PRELID2: variants seen among roughly 807,000 people sequenced by gnomAD.
PRELID2 encodes the protein PRELI domain-containing protein 2.
PRELID2 carries 25 observed loss-of-function variants against 28.4 expected under a neutral mutation model. The observed-to-expected ratio is 0.88, with a 90% CI of 0.64 to 1.23. The LOEUF is 1.23. PRELID2 is among the 50% of genes most tolerant of loss of function. The pLI, the probability that PRELID2 is intolerant of heterozygous loss-of-function variation, is 0.00. For missense variants in PRELID2, 201 were observed against 214.4 expected (o/e 0.94, Z 0.39); for synonymous variants, 76 against 71.6 (o/e 1.06, Z -0.31).
intron 1 of PRELID2, among the ~76,000 whole-genome samples, chr5:145,516,488 G>A (rs769261775): frequency 2.7e-4 from 41 of 152,112 alleles, no homozygotes; most frequent in Non-Finnish European, 5.1e-4. Flanking sequence ...TAATAAGAGA[G>A]GATAAAAACA....
the PRELID2 span, among the ~76,000 whole-genome samples, chr5:145,380,798 T>C: frequency 6.6e-6 from 1 of 152,200 alleles, no homozygotes. Flanking sequence ...GATGAGCTTT[T>C]CTTTTACTTT....
At chr5:145,820,580 A>C (rs945987831) in intron 2 of PRELID2, among the ~76,000 whole-genome samples, 2 of 152,120 alleles carry the variant, frequency 1.3e-5, no homozygotes, top group Non-Finnish European at 2.9e-5. Context: ...CAAAATTTAA[A>C]CCCATAATTA....
At chr5:145,561,301 C>T (rs7731293) in intron 1 of PRELID2, among the ~76,000 whole-genome samples, 3 of 152,028 alleles carry the variant, frequency 2.0e-5, no homozygotes, top group Non-Finnish European at 4.4e-5. Flanking sequence ...AAGAGCAGCA[C>T]TTTTTTCTTC....
intron 1 of PRELID2, among the ~76,000 whole-genome samples, chr5:145,645,580 T>A (rs1004451169): frequency 7.9e-5 from 12 of 152,096 alleles, no homozygotes; most frequent in African/African-American, 2.9e-4. Context: ...GTCCTTATGA[T>A]GCTAGATGGT....
At chr5:145,673,434 C>T (rs544035934) in intron 1 of PRELID2, among the ~76,000 whole-genome samples, 84 of 151,514 alleles carry the variant, frequency 5.5e-4, no homozygotes, top group Non-Finnish European at 1.9e-4. Flanking sequence ...AACCATTAGA[C>T]AGAGCATCCA....
intron 1 of PRELID2, among the ~76,000 whole-genome samples, chr5:145,739,961 T>C (rs2149735168): frequency 2.1e-5 from 1 of 47,506 alleles, no homozygotes; most frequent in East Asian, 8.9e-4. Context: ...AATAGAAAAA[T>C]AAATAAAAAA....
chr5:145,240,424 A>G, the PRELID2 span, among the ~76,000 whole-genome samples: 3 of 151,854 alleles, frequency 2.0e-5, no homozygotes, highest in African/African-American at 2.4e-5. Flanking sequence ...TTTTTTTCTG[A>G]TATATACAAT....
intron 1 of PRELID2, among the ~76,000 whole-genome samples, chr5:145,710,709 C>T (rs921229903): frequency 1.3e-5 from 2 of 152,230 alleles, no homozygotes; most frequent in Non-Finnish European, 1.5e-5. Flanking sequence ...AACATCACTG[C>T]CTGGTCCAAA....
intron 1 of PRELID2, among the ~76,000 whole-genome samples, chr5:145,493,287 A>C (rs1165181751): frequency 6.6e-6 from 1 of 152,152 alleles, no homozygotes; most frequent in East Asian, 1.9e-4. Context: ...GATGATCATC[A>C]GATCATTTCA....
the PRELID2 span, among the ~76,000 whole-genome samples, chr5:145,232,565 A>G: frequency 6.6e-6 from 1 of 152,136 alleles, no homozygotes. Context: ...ATGGCCACCA[A>G]TTATAAGGCT....
the PRELID2 span, among the ~76,000 whole-genome samples, chr5:145,454,238 G>A: frequency 6.6e-6 from 1 of 152,098 alleles, no homozygotes; most frequent in East Asian, 1.9e-4. Flanking sequence ...AGCCCTTCAA[G>A]CTAAAAATTC....
At chr5:145,475,926 T>C (rs1216291291) in intron 1 of PRELID2, among the ~76,000 whole-genome samples, 1 of 152,198 alleles carries the variant, frequency 6.6e-6, no homozygotes, top group Non-Finnish European at 1.5e-5. Context: ...TCAGGTGGAC[T>C]AAAGTAGATA....
chr5:145,756,388 T>G lies in PRELID2; in HGVS notation c.*4148A>C, dbSNP rs561087485. Among the ~76,000 whole-genome samples, 39 of 152,198 alleles carry G rather than the reference T, an allele frequency of 2.6e-4. No individual in the cohort carries two copies. Among genetic ancestry groups the G allele is most frequent in the Non-Finnish European group, 4.7e-4 (32 of 68,042 alleles). On this transcript the variant is annotated 3_prime_UTR_variant, in exon 7 of 7. Coordinates refer to ENST00000683046, the MANE Select transcript of PRELID2 (RefSeq NM_205846.3). ...TTCAGAATGACTGCAGGAAGGAATT[T>G]CATAGGTAAACAACTAATTTATAGC...
chr5:145,443,256 T>C, the PRELID2 span, among the ~76,000 whole-genome samples: 1 of 152,096 alleles, frequency 6.6e-6, no homozygotes, highest in Non-Finnish European at 1.5e-5. Flanking sequence ...TTTTATTCCA[T>C]AGCAATAGTT....
chr5:145,329,067 T>C, the PRELID2 span, among the ~76,000 whole-genome samples: 1 of 152,196 alleles, frequency 6.6e-6, no homozygotes, highest in South Asian at 2.1e-4. Context: ...GTCAGGTTTG[T>C]CAAAGATCAG....
chr5:145,487,662 T>G (rs148445805), intron 1 of PRELID2, among the ~76,000 whole-genome samples: 2 of 152,296 alleles, frequency 1.3e-5, no homozygotes, highest in Admixed American at 1.3e-4. Flanking sequence ...AACAGGAAAC[T>G]CCCTTTGTCC....
chr5:145,232,926 T>C, the PRELID2 span, among the ~76,000 whole-genome samples: 1 of 151,928 alleles, frequency 6.6e-6, no homozygotes, highest in African/African-American at 2.4e-5. Context: ...AATATTATTC[T>C]ACAAGTTTCC....
intron 1 of PRELID2, among the ~76,000 whole-genome samples, chr5:145,665,717 T>G (rs1394722753): frequency 6.6e-6 from 1 of 152,064 alleles, no homozygotes; most frequent in African/African-American, 2.4e-5. Context: ...TTTCTCATAT[T>G]CCCTGAAATG....
the PRELID2 span, among the ~76,000 whole-genome samples, chr5:145,401,347 GGA>G: frequency 6.6e-6 from 1 of 151,928 alleles, no homozygotes; most frequent in East Asian, 1.9e-4. Flanking sequence ...AAGTTAAGAA[GGA>G]GAGTATGGAA....
Sources: allele counts gnomAD v4.1 joint callset (sites outside exome capture counted in the v4.1 genomes callset), GRCh38; gene constraint gnomAD v4.1.1; transcripts MANE v1.5; gene names NCBI Gene and HGNC (gene_info 2026-07-23, HGNC 2026-07-21).